The following CDIN1 variants were observed in gnomAD, a reference collection of about 807,000 sequenced individuals.
The protein encoded by CDIN1 is CDAN1-interacting nuclease 1.
CDIN1 carries 33 observed loss-of-function variants against 45.3 expected under a neutral mutation model. The observed-to-expected ratio is 0.73, with a 90% CI of 0.55 to 0.97. The LOEUF is 0.97. CDIN1 is among the 50% of genes least tolerant of loss of function. The probability of loss-of-function intolerance (pLI) is 0.00; values close to 1 mark genes in which losing one functional copy is unlikely to be tolerated. For missense variants in CDIN1, 303 were observed against 339.4 expected (o/e 0.89, Z 0.84); for synonymous variants, 118 against 124.4 (o/e 0.95, Z 0.34).
At chr15:36,741,634 G>A (rs973194848) in intron 10 of CDIN1, among the ~76,000 whole-genome samples, 5 of 151,996 alleles carry the variant, frequency 3.3e-5, no homozygotes, top group Non-Finnish European at 5.9e-5. Context: ...TCAAAGTATC[G>A]GCAGGGCTGG....
At chr15:36,700,425 C>CT (rs2042589216) in intron 8 of CDIN1, among the ~76,000 whole-genome samples, 1 of 152,116 alleles carries the variant, frequency 6.6e-6, no homozygotes, top group East Asian at 1.9e-4. Context: ...TGTTAGGTTA[C>CT]TTCCATTAAA....
chr15:36,676,487 A>C (rs1325190019), intron 5 of CDIN1, among the ~76,000 whole-genome samples: 1 of 152,202 alleles, frequency 6.6e-6, no homozygotes, highest in Non-Finnish European at 1.5e-5. Flanking sequence ...AGGCTTCTTG[A>C]AGTCATCAAC....
At chr15:36,679,957 G>A (rs1056804421) in intron 5 of CDIN1, among the ~76,000 whole-genome samples, 2 of 152,178 alleles carry the variant, frequency 1.3e-5, no homozygotes, top group Non-Finnish European at 2.9e-5. Context: ...CAAATAATGA[G>A]CATGTTGAGA....
At chr15:36,777,135 AGT>A (rs1391759437) in intron 10 of CDIN1, among the ~76,000 whole-genome samples, 4 of 152,184 alleles carry the variant, frequency 2.6e-5, no homozygotes, top group Admixed American at 2.6e-4. Flanking sequence ...ATTTTTTAAT[AGT>A]GCTTACTTTA....
At chr15:36,611,420 C>T (rs2038644444) in intron 1 of CDIN1, among the ~76,000 whole-genome samples, 3 of 152,204 alleles carry the variant, frequency 2.0e-5, no homozygotes, top group Admixed American at 2.0e-4. Flanking sequence ...AATAAGTGAA[C>T]TAACCACCTA....
At chr15:36,647,306 T>A (rs2040374298) in intron 3 of CDIN1, among the ~76,000 whole-genome samples, 1 of 152,188 alleles carries the variant, frequency 6.6e-6, no homozygotes, top group Non-Finnish European at 1.5e-5. Flanking sequence ...ATTACACGCC[T>A]GAGCCACTGT....
intron 4 of CDIN1, among the ~76,000 whole-genome samples, chr15:36,656,851 A>G (rs989043437): frequency 6.6e-6 from 1 of 152,136 alleles, no homozygotes; most frequent in Non-Finnish European, 1.5e-5. Flanking sequence ...TACTAAATCA[A>G]GATAAAATTT....
At chr15:36,689,626 T>G (rs1458283399) in intron 5 of CDIN1, among the ~76,000 whole-genome samples, 4 of 152,214 alleles carry the variant, frequency 2.6e-5, no homozygotes, top group Non-Finnish European at 5.9e-5. Context: ...TTTGGTCCCC[T>G]CTGACTGGCC....
chr15:36,650,819 A>G (rs996256239), intron 3 of CDIN1, among the ~76,000 whole-genome samples: 3 of 152,148 alleles, frequency 2.0e-5, no homozygotes, highest in African/African-American at 4.8e-5. Flanking sequence ...ACAGATTTTG[A>G]TGGGAGGCAG....
In CDIN1 at chr15:36,656,922, A is replaced by C. The variant is rs1262295030; in HGVS notation, c.274-911A>C. Among the ~76,000 whole-genome samples, 9 of 152,144 alleles carry C rather than the reference A, an allele frequency of 5.9e-5. 1 individual carries two copies. Among genetic ancestry groups the C allele is most frequent in the Admixed American group, 5.9e-4 (9 of 15,278 alleles). ...AAATTCATGGTGATAATATATGAGG[A>C]ATGTTTGCTGTCTTCCACCTAAGAT... On this transcript the variant is annotated intron_variant, in intron 4 of 10. Transcript: ENST00000566621.
intron 10 of CDIN1, among the ~76,000 whole-genome samples, chr15:36,731,978 A>G (rs1041196633): frequency 6.6e-6 from 1 of 152,180 alleles, no homozygotes; most frequent in Non-Finnish European, 1.5e-5. Flanking sequence ...AAACTATTTT[A>G]CAAACTTCGT....
intron 5 of CDIN1, among the ~76,000 whole-genome samples, chr15:36,663,065 G>T (rs1402477354): frequency 6.6e-6 from 1 of 151,936 alleles, no homozygotes; most frequent in Admixed American, 6.6e-5. Flanking sequence ...TCTTTGAAAG[G>T]AATCAAAGAA....
chr15:36,711,589 C>G (rs6495868), intron 10 of CDIN1, among the ~76,000 whole-genome samples: 94,437 of 152,044 alleles, frequency 0.62, 29,665 homozygotes, highest in African/African-American at 0.7. Flanking sequence ...TTGCATTCTA[C>G]TTTTACCCTT....
intron 1 of CDIN1, among the ~76,000 whole-genome samples, chr15:36,612,707 A>G (rs1225436701): frequency 6.6e-6 from 1 of 152,158 alleles, no homozygotes; most frequent in Non-Finnish European, 1.5e-5. Context: ...GGACTTGTAT[A>G]TGGCTTTTAC....
rs2038776962 is a variant in CDIN1, at chr15:36,614,113, T to C, written c.102-30165T>C. The stretch of plus-strand genomic sequence containing the variant: ...GATCGGTAGCCAAGCTGGAAATGAC[T>C]TGGAAGATAAACTGAAATGCACCAA... On this transcript the variant is annotated intron_variant, in intron 1 of 10. Coordinates refer to ENST00000566621, the MANE Select transcript of CDIN1 (RefSeq NM_001321759.2). The C allele has an allele frequency of 3.7e-5, 29 of 781,742 alleles. No homozygotes were observed. The Middle Eastern group carries it at 1.6e-3, about 43-fold the overall frequency. 48.4% of individuals were successfully genotyped at this position (781,742 alleles called of 1,614,324 possible). A position where few individuals can be genotyped will look rare whatever the true frequency, so the allele number is the denominator to read the frequency against.
intron 10 of CDIN1, among the ~76,000 whole-genome samples, chr15:36,765,057 C>CT (rs377685100): frequency 0.087 from 12,201 of 139,490 alleles, 1,255 homozygotes; most frequent in African/African-American, 0.2. Flanking sequence ...ATTTTTCTTT[C>CT]TTTCTTTTTT....
chr15:36,678,098 TC>T (rs2041715821), intron 5 of CDIN1, among the ~76,000 whole-genome samples: 1 of 152,218 alleles, frequency 6.6e-6, no homozygotes, highest in South Asian at 2.1e-4. Flanking sequence ...ATTTAATTTG[TC>T]CCTATAGGAT....
chr15:36,665,411 T>C (rs74377719), intron 5 of CDIN1, among the ~76,000 whole-genome samples: 2,301 of 152,298 alleles, frequency 0.015, 55 homozygotes, highest in African/African-American at 0.053. Context: ...TGGCTATTAA[T>C]GTTGATATTT....
At chr15:36,735,801 G>T (rs1401569311) in intron 10 of CDIN1, among the ~76,000 whole-genome samples, 3 of 151,978 alleles carry the variant, frequency 2.0e-5, no homozygotes, top group Admixed American at 2.0e-4. Context: ...TTCCACTTGG[G>T]ATTAATTATA....
Sources: allele counts gnomAD v4.1 joint callset (sites outside exome capture counted in the v4.1 genomes callset), GRCh38; gene constraint gnomAD v4.1.1; transcripts MANE v1.5; gene names NCBI Gene and HGNC (gene_info 2026-07-23, HGNC 2026-07-21).